Variants in ZMIZ1 observed in about 807,000 individuals in gnomAD.
ZMIZ1 encodes zinc finger MIZ-type containing 1.
A neutral mutation model predicts 113.9 loss-of-function variants in ZMIZ1; 17 were observed. The ratio of observed to expected loss-of-function variants is 0.15; its 90% CI spans 0.10 to 0.22. The LOEUF is 0.22. Ranked by LOEUF, ZMIZ1 falls within the 10% of genes least tolerant of loss-of-function variation. The pLI is 1.00. For synonymous variants in ZMIZ1, 607 were observed against 603.1 expected, an observed-to-expected ratio of 1.01 and a Z score of -0.09; for missense variants, 1,059 against 1,477.8, an observed-to-expected ratio of 0.72 and a Z score of 4.65.
chr10:79,077,497 G>C (rs1357679021), intron 1 of ZMIZ1, among the ~76,000 whole-genome samples: 1 of 152,028 alleles, frequency 6.6e-6, no homozygotes, highest in African/African-American at 2.4e-5. Flanking sequence ...TGGGTGGGGA[G>C]GGGTGGGGTT....
Position 79,159,945 on chromosome 10 carries a change from C to T in ZMIZ1, c.-130-2108C>T, listed in dbSNP as rs369655594. 7.1e-3 allele frequency among the ~76,000 whole-genome samples: 1,076 copies of T among 152,320 alleles called. 8 individuals are homozygous for T. The highest frequency in any genetic ancestry group is 0.011 in the Non-Finnish European group (779 of 68,014). On this transcript the variant is annotated intron_variant, in intron 3 of 24. Coordinates refer to ENST00000334512, the MANE Select transcript of ZMIZ1 (RefSeq NM_020338.4). ...GAGCACCCCTGAGACGCTGATGGCC[C>T]GACGCCGTTTCTCCGGGCCTGGCCG...
intron 1 of ZMIZ1, among the ~76,000 whole-genome samples, chr10:79,075,593 C>A (rs4980023): frequency 1.1e-4 from 6 of 53,782 alleles, no homozygotes; most frequent in Admixed American, 4.9e-4. Flanking sequence ...ACATGCACAC[C>A]TGCACACATG....
intron 7 of ZMIZ1, among the ~76,000 whole-genome samples, chr10:79,271,648 C>G (rs1042633785): frequency 1.3e-5 from 2 of 152,166 alleles, no homozygotes; most frequent in Admixed American, 6.5e-5. Context: ...CTAATTTACA[C>G]CCCATATCCA....
chr10:79,210,492 G>A, intron 6 of ZMIZ1, among the ~76,000 whole-genome samples: 1 of 152,268 alleles, frequency 6.6e-6, no homozygotes, highest in Non-Finnish European at 1.5e-5. Flanking sequence ...AGAGCTCTGG[G>A]AGAAGGGGCA....
At chr10:79,074,887 G>A (rs1003914592) in intron 1 of ZMIZ1, among the ~76,000 whole-genome samples, 1 of 152,370 alleles carries the variant, frequency 6.6e-6, no homozygotes, top group African/African-American at 2.4e-5. Context: ...AATGACTGTG[G>A]CTTGGGAGGG....
intron 6 of ZMIZ1, among the ~76,000 whole-genome samples, chr10:79,208,758 A>G (rs1564526421): frequency 2.6e-5 from 4 of 152,056 alleles, no homozygotes; most frequent in African/African-American, 9.7e-5. Flanking sequence ...GAAACTCTCA[A>G]AGGGTTTTCA....
At chr10:79,303,842 G>A (rs1035738386) in intron 18 of ZMIZ1, among the ~76,000 whole-genome samples, 173 bp from the exon 19 acceptor site, 5 of 152,174 alleles carry the variant, frequency 3.3e-5, no homozygotes, top group East Asian at 1.9e-4. Flanking sequence ...CCGGGCACCC[G>A]GCCCTGTGAC....
intron 1 of ZMIZ1, among the ~76,000 whole-genome samples, chr10:79,072,098 C>T (rs963819512): frequency 6.6e-6 from 1 of 152,124 alleles, no homozygotes; most frequent in Non-Finnish European, 1.5e-5. Flanking sequence ...AATAAATAGC[C>T]TTGTCTATGC....
chr10:79,079,645 G>C (rs898858872), intron 1 of ZMIZ1, among the ~76,000 whole-genome samples: 2 of 152,156 alleles, frequency 1.3e-5, no homozygotes, highest in Admixed American at 6.5e-5. Flanking sequence ...GGGCCGGGGG[G>C]GTCCAGGGAA....
intron 1 of ZMIZ1, among the ~76,000 whole-genome samples, chr10:79,079,908 C>T (rs993132711): frequency 6.6e-6 from 1 of 152,172 alleles, no homozygotes; most frequent in Non-Finnish European, 1.5e-5. Flanking sequence ...TGGGTCCCGC[C>T]CAGGTTCATG....
chr10:79,266,480 C>T (rs1053643372), intron 7 of ZMIZ1, among the ~76,000 whole-genome samples: 6 of 152,184 alleles, frequency 3.9e-5, no homozygotes, highest in South Asian at 2.1e-4. Context: ...AAGAACCACA[C>T]GGCTGGGAGA....
Position 79,089,178 on chromosome 10 carries a change from G to A in ZMIZ1, c.-337+19908G>A, listed in dbSNP as rs372180504. ...AGGTGGACACGTAGCCTCAGAGCCC[G>A]AAGCAACTGGTGGGGTTCATTCCCA... On this transcript the variant is annotated intron_variant, in intron 1 of 24. Transcript: ENST00000334512. Among the ~76,000 whole-genome samples, 43 of 152,348 alleles carry A rather than the reference G, an allele frequency of 2.8e-4. No individual in the cohort carries two copies. In the East Asian group the frequency reaches 3.5e-3, roughly 12 times the overall value.
intron 2 of ZMIZ1, among the ~76,000 whole-genome samples, chr10:79,120,684 C>T (rs1844253160): frequency 6.6e-6 from 1 of 151,952 alleles, no homozygotes; most frequent in Admixed American, 6.6e-5. Flanking sequence ...TTGCCGAGAG[C>T]AATTTTGGGC....
chr10:79,155,087 G>C (rs1036774490), intron 3 of ZMIZ1, among the ~76,000 whole-genome samples: 8 of 152,218 alleles, frequency 5.3e-5, no homozygotes, highest in African/African-American at 1.9e-4. Context: ...CTAAGTAAGT[G>C]TCAGAGCTGA....
chr10:79,175,366 G>A (rs914393128), intron 4 of ZMIZ1, among the ~76,000 whole-genome samples: 1 of 152,094 alleles, frequency 6.6e-6, no homozygotes, highest in African/African-American at 2.4e-5. Context: ...GCCTCCTCTC[G>A]TGATCATGCC....
At chr10:79,150,988 G>C (rs957122538) in intron 3 of ZMIZ1, among the ~76,000 whole-genome samples, 3 of 152,096 alleles carry the variant, frequency 2.0e-5, no homozygotes, top group Admixed American at 6.5e-5. Flanking sequence ...AGTATCAGCA[G>C]GGGTAGCAGC....
chr10:79,222,833 A>G (rs1294273279), intron 7 of ZMIZ1, among the ~76,000 whole-genome samples: 3 of 152,124 alleles, frequency 2.0e-5, no homozygotes, highest in Non-Finnish European at 2.9e-5. Flanking sequence ...GGCCCTGGAG[A>G]GTGCTCCAGC....
intron 7 of ZMIZ1, among the ~76,000 whole-genome samples, chr10:79,274,739 G>A (rs1385168359): frequency 3.9e-5 from 6 of 152,176 alleles, no homozygotes; most frequent in Admixed American, 1.3e-4. Context: ...CACATATCAC[G>A]CCTGTTTGCG....
chr10:79,162,260 G>A, intron 4 of ZMIZ1, 127 bp downstream of exon 4: 1 of 396,748 alleles, frequency 2.5e-6, no homozygotes, highest in Non-Finnish European at 4.4e-6. Flanking sequence ...GCAGGAGCGG[G>A]CACAAGCCAC....
Sources: allele counts gnomAD v4.1 joint callset (sites outside exome capture counted in the v4.1 genomes callset), GRCh38; gene constraint gnomAD v4.1.1; transcripts MANE v1.5; gene names NCBI Gene and HGNC (gene_info 2026-07-23, HGNC 2026-07-21).